The following ZNF780B variants were observed in gnomAD, a reference collection of about 807,000 sequenced individuals.
The protein encoded by ZNF780B is zinc finger protein 779.
Under a neutral mutation model 74.1 loss-of-function variants are expected in ZNF780B, and 52 were observed. The ratio of observed to expected loss-of-function variants is 0.70; its 90% CI spans 0.56 to 0.88. The LOEUF (loss-of-function observed/expected upper bound fraction) is 0.88. Ranked by LOEUF, ZNF780B falls within the 40% of genes least tolerant of loss-of-function variation. The pLI, the probability that ZNF780B is intolerant of heterozygous loss-of-function variation, is 0.00. For missense variants in ZNF780B, 953 were observed against 1,007.6 expected (o/e 0.95, Z 0.73); for synonymous variants, 315 against 324.3 (o/e 0.97, Z 0.31).
Position 40,035,120 on chromosome 19 carries a change from G to A in ZNF780B, c.1739C>T (p.Thr580Ile). Residue 580 changes from threonine to isoleucine, a missense_variant, in exon 5 of 5, where the codon ACC (threonine) becomes ATC (isoleucine). By Grantham distance (89) the Thr-to-Ile change is moderately conservative. Coordinates refer to ENST00000434248, the MANE Select transcript of ZNF780B (RefSeq NM_001005851.3). Reference sequence around the variant, plus strand: ...CTTACATTCAAAGGGTTTCTTTCCGGTATGAATACTTCGATGTTGATTAAG... The same window carrying A: ...CTTACATTCAAAGGGTTTCTTTCCGATATGAATACTTCGATGTTGATTAAG... ...SNLNQHRSIH[T>I]GKKPFECKEC... 6.2e-7 allele frequency: 1 copy of A among 1,613,670 alleles called. No individual in the cohort carries two copies. Among genetic ancestry groups the A allele is most frequent in the South Asian group, 1.1e-5 (1 of 90,938 alleles).
Position 40,031,559 on chromosome 19 carries a change from T to C in ZNF780B, c.*2798A>G, listed in dbSNP as rs1026950612. 1 of 152,660 alleles carries C rather than the reference T, an allele frequency of 6.6e-6. No homozygotes were observed. The highest frequency in any genetic ancestry group is 2.4e-5 in the African/African-American group (1 of 41,438). The allele number at this position is 152,660 out of a possible 1,614,324, so 9.5% of individuals were successfully genotyped here. ...TGTTTTACAGCTTGATTTAAAGGGT[T>C]AATATTTTTTCAAATTTTTATCAAC... is the stretch of plus-strand genomic sequence containing the variant. On this transcript the variant is annotated 3_prime_UTR_variant, in exon 5 of 5. Transcript: ENST00000434248.
Position 40,030,172 on chromosome 19 carries a change from T to A in ZNF780B, c.*4185A>T, listed in dbSNP as rs573688226. On this transcript the variant is annotated 3_prime_UTR_variant, in exon 5 of 5. Coordinates refer to ENST00000434248, the MANE Select transcript of ZNF780B (RefSeq NM_001005851.3). ...AGAAAGAGGTTTATTTGGCTCAGTGTTCTGTAGGATTTACAAGAATCATGG... is the reference window on the plus strand; with the variant it reads ...AGAAAGAGGTTTATTTGGCTCAGTGATCTGTAGGATTTACAAGAATCATGG... The A allele has an allele frequency of 1.3e-5, 2 of 152,380 alleles. No homozygotes were observed. The highest frequency in any genetic ancestry group is 2.9e-5 in the Non-Finnish European group (2 of 68,190). The allele number at this position is 152,380 out of a possible 1,614,324, so 9.4% of individuals were successfully genotyped here.
chr19:40,043,691 T>C (rs1972782390), intron 4 of ZNF780B, among the ~76,000 whole-genome samples: 1 of 152,244 alleles, frequency 6.6e-6, no homozygotes, highest in Admixed American at 6.5e-5. Flanking sequence ...TCTGTGGGCA[T>C]AGGACCCTCC....
In ZNF780B at chr19:40,029,452, A is replaced by C. The variant is rs191770814; in HGVS notation, c.*4905T>G. 1 of 154,996 alleles carries C rather than the reference A, an allele frequency of 6.5e-6. No homozygotes were observed. The highest frequency in any genetic ancestry group is 1.9e-4 in the East Asian group (1 of 5,190). The allele number at this position is 154,996 out of a possible 1,614,324, so 9.6% of individuals were successfully genotyped here. On this transcript the variant is annotated 3_prime_UTR_variant, in exon 5 of 5. Transcript: ENST00000434248. The stretch of plus-strand genomic sequence containing the variant: ...GGCCTTAAAAGGAGATAAACTTCTC[A>C]GCTATCACCATACATAAAACATAAT...
Position 40,032,003 on chromosome 19 carries a change from C to T in ZNF780B, c.*2354G>A, listed in dbSNP as rs1972024810. 1 of 447,220 alleles carries T rather than the reference C, an allele frequency of 2.2e-6. No individual in the cohort carries two copies. The highest frequency in any genetic ancestry group is 2.0e-5 in the African/African-American group (1 of 49,070). The allele number at this position is 447,220 out of a possible 1,614,324, so 27.7% of individuals were successfully genotyped here. A position where few individuals can be genotyped will look rare whatever the true frequency, so the allele number is the denominator to read the frequency against. ...ACATAGAAATAACCTACAAAGTATT[C>T]TTCCCCAAAACGTTTAATCTAGACC... On this transcript the variant is annotated 3_prime_UTR_variant, in exon 5 of 5. Coordinates refer to ENST00000434248, the MANE Select transcript of ZNF780B (RefSeq NM_001005851.3).
rs1402915223 is a variant in ZNF780B at position 40,035,725 on chromosome 19, G to A, written c.1134C>T (p.Arg378=). 1.1e-5 allele frequency: 17 copies of A among 1,613,684 alleles called. No individual in the cohort carries two copies. In the East Asian group the frequency reaches 3.8e-4, roughly 36 times the overall value. ...KAFSLLNQLN[R]HKNIHTGEKP... is the part of the protein sequence containing the mutation. ...TTTCACCTGTGTGAATATTCTTATG[G>A]CGATTAAGCTGATTGAGGAGACTAA... Residue 378 remains arginine (R), a synonymous_variant, in exon 5 of 5, where the codon CGC becomes CGT. Coordinates refer to ENST00000434248, the MANE Select transcript of ZNF780B (RefSeq NM_001005851.3).
chr19:40,046,792 C>A (rs1235661042), intron 4 of ZNF780B, among the ~76,000 whole-genome samples: 1 of 152,234 alleles, frequency 6.6e-6, no homozygotes, highest in African/African-American at 2.4e-5. Flanking sequence ...CTGTACATTA[C>A]AGTATTGACC....
At chr19:40,037,203 T>C (rs1248457244) in intron 4 of ZNF780B, among the ~76,000 whole-genome samples, 6 of 150,576 alleles carry the variant, frequency 4.0e-5, no homozygotes, top group Non-Finnish European at 7.4e-5. Flanking sequence ...GTGTGAGCCA[T>C]TGTGCCTGGC....
rs1453574815 is a variant in ZNF780B at position 40,032,589 on chromosome 19, G to T, written c.*1768C>A. On this transcript the variant is annotated 3_prime_UTR_variant, in exon 5 of 5. Coordinates refer to ENST00000434248, the MANE Select transcript of ZNF780B (RefSeq NM_001005851.3). ...AAAAATTAGCTGGGCATGGTGGCGGGTGCCTCTAGTCCCAGCTACTCAGGA... is the reference window on the plus strand; with the variant it reads ...AAAAATTAGCTGGGCATGGTGGCGGTTGCCTCTAGTCCCAGCTACTCAGGA... 5.2e-6 allele frequency: 1 copy of T among 191,298 alleles called. No homozygotes were observed. Among genetic ancestry groups the T allele is most frequent in the Non-Finnish European group, 1.1e-5 (1 of 93,602 alleles). The allele number at this position is 191,298 out of a possible 1,614,324, so 11.9% of individuals were successfully genotyped here.
chr19:40,047,625 T>TA lies in ZNF780B; in HGVS notation c.137-156dup, dbSNP rs371269163. Among the ~76,000 whole-genome samples, 813 of 141,678 alleles carry TA rather than the reference T, an allele frequency of 5.7e-3. 8 individuals carry two copies. Among genetic ancestry groups the TA allele is most frequent in the Middle Eastern group, 0.021 (6 of 280 alleles). 92.9% of individuals were successfully genotyped at this position (141,678 alleles called of 152,430 possible). ...GATTGAGTAAGGGATCAACTATGTTTAAAAAAAAAAAAAGCACTTTCATTT... is the reference window on the plus strand; with the variant it reads ...GATTGAGTAAGGGATCAACTATGTTTAAAAAAAAAAAAAAGCACTTTCATTT... On this transcript the variant is annotated intron_variant, in intron 3 of 4. Transcript: ENST00000434248.
intron 4 of ZNF780B, among the ~76,000 whole-genome samples, chr19:40,043,329 A>C (rs1399700087): frequency 6.6e-6 from 1 of 152,084 alleles, no homozygotes; most frequent in Non-Finnish European, 1.5e-5. Context: ...GTCTGCCCCT[A>C]CTGGGGGTTG....
rs1256974983 is a variant in ZNF780B, at chr19:40,035,603, C to T, written c.1256G>A (p.Cys419Tyr). ...SIHADVKPYE[C>Y]KECGKGFNRG... Reference sequence around the variant, plus strand: ...ATTAAAGCCTTTCCCACACTCCTTACATTCATATGGTTTTACATCAGCATG... The same window carrying T: ...ATTAAAGCCTTTCCCACACTCCTTATATTCATATGGTTTTACATCAGCATG... Residue 419 changes from cysteine to tyrosine, a missense_variant, in exon 5 of 5, where the codon TGT becomes TAT. By Grantham distance (194) the Cys-to-Tyr change is radical (BLOSUM62 -2). Coordinates refer to ENST00000434248, the MANE Select transcript of ZNF780B (RefSeq NM_001005851.3). 22 of 1,613,484 alleles carry T rather than the reference C, an allele frequency of 1.4e-5. No homozygotes were observed. Among genetic ancestry groups the T allele is most frequent in the Non-Finnish European group, 1.7e-5 (20 of 1,179,954 alleles).
chr19:40,050,409 G>T (rs1211514765), intron 1 of ZNF780B, 32 bp from the exon 2 acceptor site: 10 of 1,531,918 alleles, frequency 6.5e-6, no homozygotes, highest in Non-Finnish European at 8.8e-6. Context: ...AAGGCCCTAA[G>T]TCAAGCTGTG....
At chr19:40,046,788 A>C (rs889862885) in intron 4 of ZNF780B, among the ~76,000 whole-genome samples, 1 of 152,228 alleles carries the variant, frequency 6.6e-6, no homozygotes, top group Non-Finnish European at 1.5e-5. Flanking sequence ...TTACCTGTAC[A>C]TTACAGTATT....
chr19:40,031,059 A>G lies in ZNF780B; in HGVS notation c.*3298T>C, dbSNP rs1165402144. The G allele has an allele frequency of 6.6e-6, 1 of 152,264 alleles. No homozygotes were observed. The highest frequency in any genetic ancestry group is 2.4e-5 in the African/African-American group (1 of 41,466). The allele number at this position is 152,264 out of a possible 1,614,324, so 9.4% of individuals were successfully genotyped here. On this transcript the variant is annotated 3_prime_UTR_variant, in exon 5 of 5. Transcript: ENST00000434248. ...AGATAGAATTAAGTAGTCTATTGAA[A>G]GAATAATCATCTGACCAGGGTATAT... is the stretch of plus-strand genomic sequence containing the variant.
intron 4 of ZNF780B, among the ~76,000 whole-genome samples, chr19:40,043,174 C>T (rs1972742582): frequency 6.6e-6 from 1 of 152,208 alleles, no homozygotes; most frequent in Non-Finnish European, 1.5e-5. Flanking sequence ...CCACTCCAGA[C>T]CCTGTTTGCC....
rs1201968840 is a variant in ZNF780B, at chr19:40,031,534, T to C, written c.*2823A>G. The stretch of plus-strand genomic sequence containing the variant: ...CACTGCTCCCGGCTTAATGGTATCA[T>C]GTTTTACAGCTTGATTTAAAGGGTT... On this transcript the variant is annotated 3_prime_UTR_variant, in exon 5 of 5. Coordinates refer to ENST00000434248, the MANE Select transcript of ZNF780B (RefSeq NM_001005851.3). The C allele has an allele frequency of 2.0e-5, 3 of 152,456 alleles. No individual in the cohort carries two copies. The highest frequency in any genetic ancestry group is 2.9e-5 in the Non-Finnish European group (2 of 68,228). The allele number at this position is 152,456 out of a possible 1,614,324, so 9.4% of individuals were successfully genotyped here. A position where few individuals can be genotyped will look rare whatever the true frequency, so the allele number is the denominator to read the frequency against.
chr19:40,042,749 C>A (rs2144770037), intron 4 of ZNF780B, among the ~76,000 whole-genome samples: 1 of 152,298 alleles, frequency 6.6e-6, no homozygotes, highest in South Asian at 2.1e-4. Context: ...GCTTTCAGCT[C>A]CATCAGCTCC....
At chr19:40,047,056 T>G (rs1201891197) in intron 4 of ZNF780B, among the ~76,000 whole-genome samples, 1 of 152,210 alleles carries the variant, frequency 6.6e-6, no homozygotes, top group Admixed American at 6.5e-5. Context: ...TGGGGCAACA[T>G]AGCAAGATGC....
Sources: gnomAD v4.1 joint callset for allele counts (sites outside exome capture counted in the v4.1 genomes callset) on GRCh38, gnomAD v4.1.1 for gene constraint, MANE v1.5 for transcripts, NCBI Gene and HGNC (gene_info 2026-07-23, HGNC 2026-07-21) for gene names.